Variants in NAV2 observed in about 807,000 individuals in gnomAD.
NAV2 encodes neuron navigator 2.
In NAV2, 54 loss-of-function variants were observed where a neutral mutation model predicts 223.2. The observed-to-expected ratio is 0.24, with a 90% CI of 0.19 to 0.30. The LOEUF (loss-of-function observed/expected upper bound fraction) is 0.30. NAV2 is among the 10% of genes least tolerant of loss of function. NAV2 has a pLI of 1.00. For synonymous variants in NAV2, 1,279 were observed against 1,239.3 expected (o/e 1.03, Z -0.67); for missense variants, 2,806 against 3,147.5 (o/e 0.89, Z 2.60).
chr11:19,574,453 T>A (rs2045514270), intron 1 of NAV2, among the ~76,000 whole-genome samples: 1 of 152,152 alleles, frequency 6.6e-6, no homozygotes. Context: ...TGGCCTGTGT[T>A]GTCCCTGGGG....
At chr11:19,606,984 C>T (rs1404267226) in intron 1 of NAV2, among the ~76,000 whole-genome samples, 2 of 152,176 alleles carry the variant, frequency 1.3e-5, no homozygotes, top group Non-Finnish European at 2.9e-5. Context: ...AGATGCATTG[C>T]TCCAGCTGGC....
intron 10 of NAV2, among the ~76,000 whole-genome samples, chr11:19,970,479 A>G (rs528980463): frequency 6.6e-6 from 1 of 152,310 alleles, no homozygotes; most frequent in Admixed American, 6.5e-5. Flanking sequence ...TTAATTGTTG[A>G]TTGTTATTTA....
At chr11:19,814,105 A>T (rs2152821620) in intron 1 of NAV2, among the ~76,000 whole-genome samples, 1 of 152,258 alleles carries the variant, frequency 6.6e-6, no homozygotes, top group African/African-American at 2.4e-5. Context: ...GTAGAGAAAG[A>T]TCTGTCTGGA....
chr11:20,089,741 A>G (rs895481445), intron 26 of NAV2, among the ~76,000 whole-genome samples: 3 of 152,178 alleles, frequency 2.0e-5, no homozygotes, highest in Non-Finnish European at 2.9e-5. Flanking sequence ...TAAGAGAACT[A>G]TCTTTCCTAA....
At chr11:19,577,790 G>T (rs541238983) in intron 1 of NAV2, among the ~76,000 whole-genome samples, 3 of 152,264 alleles carry the variant, frequency 2.0e-5, no homozygotes, top group African/African-American at 7.2e-5. Context: ...ACTATTGGGG[G>T]CTGCTTTCTG....
At chr11:20,027,354 TTCC>T in intron 11 of NAV2, 1 of 985,410 alleles carries the variant, frequency 1.0e-6, no homozygotes, top group Non-Finnish European at 1.2e-6. Context: ...AGAAAACGAG[TTCC>T]ACCAGTCTGG....
rs1053332148 is a variant in NAV2, at chr11:19,512,880, G to A, written c.75+161853G>A. 2.6e-5 allele frequency among the ~76,000 whole-genome samples: 4 copies of A among 152,312 alleles called. No homozygotes were observed. In the South Asian group the frequency reaches 6.2e-4, roughly 24 times the overall value. On this transcript the variant is annotated intron_variant, in intron 1 of 37. Transcript: ENST00000360655. ...TTTGTGCTGTGACACTGGCTTGGAT[G>A]ATGCTGCAAAGAGAGGGATACAACC...
intron 7 of NAV2, among the ~76,000 whole-genome samples, chr11:19,939,322 T>C (rs1334928962): frequency 6.6e-6 from 1 of 152,190 alleles, no homozygotes; most frequent in East Asian, 1.9e-4. Context: ...TTCTTTGGCA[T>C]AGGTTAAATT....
intron 1 of NAV2, among the ~76,000 whole-genome samples, chr11:19,365,673 T>A (rs1190685173): frequency 6.6e-6 from 1 of 152,198 alleles, no homozygotes; most frequent in Admixed American, 6.6e-5. Context: ...AGTCTCAGAT[T>A]TGTTTTCTAC....
At chr11:19,359,174 A>G (rs983179490) in intron 1 of NAV2, among the ~76,000 whole-genome samples, 1 of 152,218 alleles carries the variant, frequency 6.6e-6, no homozygotes, top group Non-Finnish European at 1.5e-5. Flanking sequence ...CTTAGAAAGG[A>G]GAAGATTTTA....
chr11:20,082,841 C>T (rs144744377), intron 25 of NAV2, among the ~76,000 whole-genome samples, 166 bp from the exon 26 acceptor site: 2 of 152,334 alleles, frequency 1.3e-5, no homozygotes, highest in African/African-American at 4.8e-5. Flanking sequence ...CCAGATAACT[C>T]TTCCTCCCTT....
intron 1 of NAV2, among the ~76,000 whole-genome samples, chr11:19,390,349 A>T (rs1336030036): frequency 2.0e-5 from 3 of 152,048 alleles, no homozygotes; most frequent in African/African-American, 7.3e-5. Context: ...CAGCTTTTGA[A>T]TCCCAGTGGA....
chr11:19,772,888 G>A (rs1333120302), intron 1 of NAV2, among the ~76,000 whole-genome samples: 1 of 152,146 alleles, frequency 6.6e-6, no homozygotes, highest in African/African-American at 2.4e-5. Context: ...ACTGAAATAT[G>A]TTATCTGGGA....
At chr11:19,852,709 T>C (rs1231857208) in intron 3 of NAV2, among the ~76,000 whole-genome samples, 1 of 152,256 alleles carries the variant, frequency 6.6e-6, no homozygotes, top group Admixed American at 6.5e-5. Context: ...GTAATGTGAA[T>C]AGTTTTTTTA....
intron 3 of NAV2, among the ~76,000 whole-genome samples, chr11:19,853,753 ACT>A (rs2061268143): frequency 1.6e-5 from 1 of 63,794 alleles, no homozygotes; most frequent in African/African-American, 7.2e-5. Flanking sequence ...AACCTCTGTA[ACT>A]TTTTTTTTTT....
chr11:19,545,886 A>G (rs1158383630), intron 1 of NAV2, among the ~76,000 whole-genome samples: 2 of 152,198 alleles, frequency 1.3e-5, no homozygotes, highest in African/African-American at 4.8e-5. Context: ...TGACCTAAGA[A>G]TCTTCAGCCT....
At chr11:19,740,701 G>A (rs941934375) in intron 1 of NAV2, among the ~76,000 whole-genome samples, 4 of 152,210 alleles carry the variant, frequency 2.6e-5, no homozygotes, top group Non-Finnish European at 5.9e-5. Context: ...AGCCCAGTCA[G>A]CAATAATAGC....
intron 6 of NAV2, among the ~76,000 whole-genome samples, chr11:19,932,864 C>CAA (rs2045510479): frequency 1.3e-5 from 2 of 152,112 alleles, no homozygotes; most frequent in African/African-American, 4.8e-5. Flanking sequence ...TAGGTATTTC[C>CAA]TACTCTCTCC....
chr11:19,994,210 G>A (rs1413491919), intron 11 of NAV2, among the ~76,000 whole-genome samples: 1 of 152,136 alleles, frequency 6.6e-6, no homozygotes, highest in Non-Finnish European at 1.5e-5. Flanking sequence ...CAACCATTTG[G>A]GATTTTCGTT....
Sources: allele counts gnomAD v4.1 joint callset (sites outside exome capture counted in the v4.1 genomes callset), GRCh38; gene constraint gnomAD v4.1.1; transcripts MANE v1.5; gene names NCBI Gene and HGNC (gene_info 2026-07-23, HGNC 2026-07-21).